Variants in KDM4C observed in about 807,000 individuals in gnomAD.
KDM4C encodes the protein lysine-specific demethylase 4C.
In KDM4C, 81 loss-of-function variants were observed where a neutral mutation model predicts 129.3. The ratio of observed to expected loss-of-function variants is 0.63; its 90% CI spans 0.52 to 0.75. The LOEUF (loss-of-function observed/expected upper bound fraction) is 0.75, where lower values mean the gene tolerates loss of function less well. KDM4C is among the 30% of genes least tolerant of loss of function. The pLI is 0.00. For synonymous variants in KDM4C, 573 were observed against 456.1 expected (o/e 1.26, Z -3.26); for missense variants, 1,457 against 1,304.0 (o/e 1.12, Z -1.81).
At chr9:7,162,174 A>T (rs1313266607) in intron 19 of KDM4C, among the ~76,000 whole-genome samples, 2 of 152,268 alleles carry the variant, frequency 1.3e-5, no homozygotes, top group Admixed American at 6.5e-5. Context: ...GGGGAGGCAC[A>T]GAATAACTTA....
chr9:6,989,968 G>C (rs1184269224), intron 11 of KDM4C, among the ~76,000 whole-genome samples: 1 of 150,096 alleles, frequency 6.7e-6, no homozygotes, highest in Non-Finnish European at 1.5e-5. Context: ...TATTGACACA[G>C]AGTCTCCCTA....
chr9:7,151,219 T>C (rs1318518620), intron 19 of KDM4C, among the ~76,000 whole-genome samples: 1 of 152,200 alleles, frequency 6.6e-6, no homozygotes, highest in East Asian at 1.9e-4. Context: ...CTTTTATTTT[T>C]GTGAAAATAA....
chr9:6,775,117 A>C (rs992035345), intron 1 of KDM4C, among the ~76,000 whole-genome samples: 1 of 152,174 alleles, frequency 6.6e-6, no homozygotes, highest in African/African-American at 2.4e-5. Context: ...CCTGGACTCC[A>C]GCAAGTCTTC....
chr9:6,736,279 A>G (rs1309999959), intron 1 of KDM4C, among the ~76,000 whole-genome samples: 2 of 152,202 alleles, frequency 1.3e-5, no homozygotes, highest in African/African-American at 4.8e-5. Context: ...CTCAATCCAG[A>G]TGCAGAAATT....
chr9:7,157,082 T>G (rs1292229884), intron 19 of KDM4C, among the ~76,000 whole-genome samples: 3 of 152,194 alleles, frequency 2.0e-5, no homozygotes, highest in Non-Finnish European at 1.5e-5. Context: ...CCTTGTAAGT[T>G]GGATTCCTAG....
intron 20 of KDM4C, among the ~76,000 whole-genome samples, chr9:7,166,884 G>A (rs1193261014): frequency 6.6e-6 from 1 of 152,128 alleles, no homozygotes; most frequent in African/African-American, 2.4e-5. Flanking sequence ...TATTAAAATT[G>A]TCTCTCAAGC....
intron 4 of KDM4C, among the ~76,000 whole-genome samples, chr9:6,838,957 T>C (rs1224041065): frequency 6.6e-6 from 1 of 152,224 alleles, no homozygotes; most frequent in African/African-American, 2.4e-5. Context: ...CTATACACTA[T>C]GGTGTGAAAT....
intron 19 of KDM4C, among the ~76,000 whole-genome samples, chr9:7,139,308 A>G (rs1256840859): frequency 6.6e-6 from 1 of 152,146 alleles, no homozygotes; most frequent in East Asian, 1.9e-4. Context: ...ATCTGACCCA[A>G]TGATTGCCTT....
At chr9:6,760,539 CTTTT>C (rs964868750) in intron 1 of KDM4C, among the ~76,000 whole-genome samples, 1 of 141,720 alleles carries the variant, frequency 7.1e-6, no homozygotes, top group Non-Finnish European at 1.5e-5. Flanking sequence ...GGGTGATACT[CTTTT>C]TTATTTATTT....
intron 19 of KDM4C, among the ~76,000 whole-genome samples, chr9:7,157,422 G>T (rs1316481879): frequency 1.3e-5 from 2 of 152,166 alleles, no homozygotes; most frequent in African/African-American, 4.8e-5. Context: ...GGGCATCCTT[G>T]TCTTGTGCCG....
intron 17 of KDM4C, among the ~76,000 whole-genome samples, chr9:7,065,805 T>C (rs540343183): frequency 6.6e-6 from 1 of 152,308 alleles, no homozygotes; most frequent in African/African-American, 2.4e-5. Flanking sequence ...GTTGATGCAT[T>C]TAGTGATTGT....
intron 6 of KDM4C, among the ~76,000 whole-genome samples, chr9:6,887,676 G>A (rs1360064152): frequency 1.3e-5 from 2 of 152,048 alleles, no homozygotes; most frequent in Non-Finnish European, 2.9e-5. Flanking sequence ...ATCCACATTT[G>A]TTTCAAATTG....
chr9:7,056,109 T>G (rs888380241), intron 17 of KDM4C, among the ~76,000 whole-genome samples: 1 of 152,184 alleles, frequency 6.6e-6, no homozygotes, highest in African/African-American at 2.4e-5. Flanking sequence ...ATGAGAAAAC[T>G]TATTGCTTAA....
At chr9:6,725,303 G>A (rs923492292) in intron 1 of KDM4C, among the ~76,000 whole-genome samples, 2 of 145,592 alleles carry the variant, frequency 1.4e-5, no homozygotes, top group African/African-American at 2.6e-5. Context: ...AACACATTGG[G>A]CTCTTGCTGG....
At chr9:6,832,171 T>C (rs1012400908) in intron 4 of KDM4C, among the ~76,000 whole-genome samples, 3 of 151,546 alleles carry the variant, frequency 2.0e-5, no homozygotes, top group African/African-American at 7.3e-5. Context: ...ACCCCGTCTC[T>C]CCTAAAAAAA....
At chr9:6,880,513 C>CT (rs2130775669) in intron 6 of KDM4C, among the ~76,000 whole-genome samples, 1 of 152,078 alleles carries the variant, frequency 6.6e-6, no homozygotes, top group African/African-American at 2.4e-5. Flanking sequence ...ATGTCACTGC[C>CT]GACGCCCAGT....
intron 1 of KDM4C, among the ~76,000 whole-genome samples, chr9:6,773,914 A>G (rs1822442749): frequency 6.6e-6 from 1 of 151,676 alleles, no homozygotes; most frequent in Non-Finnish European, 1.5e-5. Context: ...CATTTATTTT[A>G]TTTATTTTTA....
intron 17 of KDM4C, among the ~76,000 whole-genome samples, chr9:7,084,712 T>C (rs1834914905): frequency 6.6e-6 from 1 of 152,230 alleles, no homozygotes; most frequent in Non-Finnish European, 1.5e-5. Context: ...CTTACCTCAA[T>C]GAATGGAACA....
intron 15 of KDM4C, among the ~76,000 whole-genome samples, chr9:7,043,623 C>G (rs529279003): frequency 2.6e-5 from 4 of 151,804 alleles, no homozygotes; most frequent in African/African-American, 9.7e-5. Flanking sequence ...TAGTTTGACC[C>G]TCTGAGGGCC....
Sources: allele counts gnomAD v4.1 joint callset (sites outside exome capture counted in the v4.1 genomes callset), GRCh38; gene constraint gnomAD v4.1.1; transcripts MANE v1.5; gene names NCBI Gene and HGNC (gene_info 2026-07-23, HGNC 2026-07-21).